TAF8: variants seen among roughly 807,000 people sequenced by gnomAD.
TAF8 encodes the protein transcription initiation factor TFIID subunit 8.
A neutral mutation model predicts 36.5 loss-of-function variants in TAF8; 47 were observed. The observed-to-expected ratio is 1.29, with a 90% CI of 1.02 to 1.64. The LOEUF is 1.64. Ranked by LOEUF, TAF8 falls within the 40% of genes most tolerant of loss-of-function variation. The pLI is 0.00. For missense variants in TAF8, 420 were observed against 407.6 expected (o/e 1.03, Z -0.26); for synonymous variants, 175 against 159.5 (o/e 1.10, Z -0.73).
intron 5 of TAF8, among the ~76,000 whole-genome samples, chr6:42,058,932 T>A (rs1157304745): frequency 6.6e-6 from 1 of 152,186 alleles, no homozygotes; most frequent in East Asian, 1.9e-4. Flanking sequence ...CATGGCATTC[T>A]TTTTTGTGTG....
chr6:42,086,596 AGCAGCTCCCCTGATCT>A (rs1459813548), downstream of TAF8: 15 of 951,780 alleles, frequency 1.6e-5, no homozygotes, highest in Non-Finnish European at 2.5e-5. Context: ...AATCATCACA[AGCAGCTCCCCTGATCT>A]GCGGCACCCC....
chr6:42,056,860 C>A (rs1765008025), intron 4 of TAF8, among the ~76,000 whole-genome samples: 2 of 152,208 alleles, frequency 1.3e-5, no homozygotes, highest in African/African-American at 4.8e-5. Flanking sequence ...CCTGCCTCGG[C>A]CTCTCAGAGT....
At chr6:42,059,836 G>T (rs182194913) in intron 5 of TAF8, among the ~76,000 whole-genome samples, 1 of 152,300 alleles carries the variant, frequency 6.6e-6, no homozygotes, top group East Asian at 1.9e-4. Flanking sequence ...TTTTGCAAAC[G>T]TGGTTTCAGT....
chr6:42,068,632 C>G, intron 7 of TAF8, 25 bp downstream of exon 7: 1 of 1,608,936 alleles, frequency 6.2e-7, no homozygotes, highest in Non-Finnish European at 8.5e-7. Flanking sequence ...CTGCCTACCT[C>G]AGAGTATCCC....
rs1394803653 is a variant in TAF8, at chr6:42,066,429, CTT to C, written c.610_611del (p.Phe204GlnfsTer3). 6.2e-7 allele frequency: 1 copy of C among 1,614,212 alleles called. No homozygotes were observed. Among genetic ancestry groups the C allele is most frequent in the Non-Finnish European group, 8.5e-7 (1 of 1,180,026 alleles). On this transcript the variant is annotated frameshift_variant, in exon 6 of 9. Coordinates refer to ENST00000372977, the MANE Select transcript of TAF8 (RefSeq NM_138572.3). LOFTEE classifies it high-confidence loss of function. ...FMAKTGETQSLFKDDVSTFPL... is the reference protein window; with the variant it reads ...FMAKTGETQSXFKDDVSTFPL... The stretch of plus-strand genomic sequence containing the variant: ...GGCCAAGACAGGCGAGACTCAGAGT[CTT>C]TTCAAAGATGACGTCAGCACATTTC...
At chr6:42,055,430 A>T in intron 2 of TAF8, 101 bp from the exon 3 acceptor site, 1 of 774,804 alleles carries the variant, frequency 1.3e-6, no homozygotes, top group Non-Finnish European at 2.3e-6. Flanking sequence ...CAGTTCATTT[A>T]TGTATATACC....
chr6:42,083,554 T>C (rs1315322259), downstream of TAF8, among the ~76,000 whole-genome samples: 1 of 152,184 alleles, frequency 6.6e-6, no homozygotes, highest in African/African-American at 2.4e-5. Context: ...CTGTGTCTTA[T>C]TGCGGTTTTA....
rs1765971138 is a variant in TAF8 at position 42,083,252 on chromosome 6, A to G, written c.*5707A>G. The G allele has an allele frequency of 6.6e-6, 1 of 152,204 alleles. No individual in the cohort carries two copies. Among genetic ancestry groups the G allele is most frequent in the Non-Finnish European group, 1.5e-5 (1 of 68,038 alleles). The allele number at this position is 152,204 out of a possible 1,614,324, so 9.4% of individuals were successfully genotyped here. On this transcript the variant is annotated 3_prime_UTR_variant, in exon 9 of 9. Transcript: ENST00000372977. ...TTTGGTGATGTTCCATGTCAGTAAT[A>G]AAGAGCTTCTCTGTTTCGTGGCTGC...
chr6:42,057,776 GAAAA>G (rs34302758), intron 5 of TAF8: 2 of 336,086 alleles, frequency 6.0e-6, no homozygotes, highest in Non-Finnish European at 1.1e-5. Context: ...AATAAATAAA[GAAAA>G]AAAAAAGAAT....
chr6:42,067,089 A>G (rs920846785), intron 6 of TAF8, among the ~76,000 whole-genome samples: 31 of 152,210 alleles, frequency 2.0e-4, no homozygotes, highest in Admixed American at 1.6e-3. Context: ...CCTTCATAGG[A>G]ACCCTTCAAT....
At position 42,079,800 on chromosome 6, in the gene TAF8, C is replaced by T. The variant is rs1176815380; in HGVS notation, c.*2255C>T. 26 of 964,410 alleles carry T rather than the reference C, an allele frequency of 2.7e-5. No homozygotes were observed. Among genetic ancestry groups the T allele is most frequent in the Non-Finnish European group, 2.7e-5 (22 of 811,248 alleles). The allele number at this position is 964,410 out of a possible 1,614,324, so 59.7% of individuals were successfully genotyped here. A position where few individuals can be genotyped will look rare whatever the true frequency, so the allele number is the denominator to read the frequency against. On this transcript the variant is annotated 3_prime_UTR_variant, in exon 9 of 9. Coordinates refer to ENST00000372977, the MANE Select transcript of TAF8 (RefSeq NM_138572.3). ...AACTCCTGGCCTCAAGTGATCCACC[C>T]GCCTTGGCCTTCCAAAGTGTTGAGA...
At chr6:42,083,899 C>A (rs1254488869), downstream of TAF8, among the ~76,000 whole-genome samples, 1 of 152,036 alleles carries the variant, frequency 6.6e-6, no homozygotes, top group Non-Finnish European at 1.5e-5. Flanking sequence ...AAAGATGGAC[C>A]TGCTGGGCAC....
At chr6:42,055,741 T>G (rs1764961567) in intron 3 of TAF8, 112 bp downstream of exon 3, 1 of 909,010 alleles carries the variant, frequency 1.1e-6, no homozygotes, top group African/African-American at 1.6e-5. Context: ...CTTGAATTGC[T>G]TTGAGCTTGA....
chr6:42,071,071 G>A (rs1040016735), intron 7 of TAF8, among the ~76,000 whole-genome samples: 3 of 152,120 alleles, frequency 2.0e-5, no homozygotes, highest in African/African-American at 4.8e-5. Context: ...AAGTACAATC[G>A]CAGAACCGCC....
At chr6:42,051,268 G>A (rs909146197) in intron 1 of TAF8, 89 bp from the exon 2 acceptor site, 21 of 1,374,664 alleles carry the variant, frequency 1.5e-5, no homozygotes, top group Admixed American at 2.3e-5. Flanking sequence ...AAATTATTTA[G>A]TAAAATAACT....
intron 7 of TAF8, among the ~76,000 whole-genome samples, chr6:42,071,703 C>A (rs1352977467): frequency 6.6e-6 from 1 of 151,656 alleles, no homozygotes; most frequent in South Asian, 2.1e-4. Flanking sequence ...TTAAATAAAG[C>A]AGAGGAAATT....
chr6:42,077,796 C>T lies in TAF8; in HGVS notation c.*251C>T. ...TTTGAGATGGAGTCTTACTCTATCACCCAGGCTGGAATGCAGTGGTGTGAT... is the reference window on the plus strand; with the variant it reads ...TTTGAGATGGAGTCTTACTCTATCATCCAGGCTGGAATGCAGTGGTGTGAT... On this transcript the variant is annotated 3_prime_UTR_variant, in exon 9 of 9. Transcript: ENST00000372977. The T allele has an allele frequency of 7.7e-7, 1 of 1,306,746 alleles. No homozygotes were observed. Among genetic ancestry groups the T allele is most frequent in the Non-Finnish European group, 9.9e-7 (1 of 1,011,716 alleles). 80.9% of individuals were successfully genotyped at this position (1,306,746 alleles called of 1,614,324 possible). A position where few individuals can be genotyped will look rare whatever the true frequency, so the allele number is the denominator to read the frequency against.
chr6:42,086,154 T>C (rs1766021666), downstream of TAF8, among the ~76,000 whole-genome samples: 1 of 152,198 alleles, frequency 6.6e-6, no homozygotes, highest in Non-Finnish European at 1.5e-5. Flanking sequence ...TAGTACTTTG[T>C]TGGAGCAGCC....
Position 42,080,387 on chromosome 6 carries a change from T to G in TAF8, c.*2842T>G. The stretch of plus-strand genomic sequence containing the variant: ...TTTTTTCTTTTCTTTTTTTTTTTTT[T>G]TTGAGACGGCATCTCACTCTTATCG... On this transcript the variant is annotated 3_prime_UTR_variant, in exon 9 of 9. Transcript: ENST00000372977. 2.0e-6 allele frequency: 2 copies of G among 984,450 alleles called. No homozygotes were observed. Among genetic ancestry groups the G allele is most frequent in the Non-Finnish European group, 2.4e-6 (2 of 827,806 alleles). 61.0% of individuals were successfully genotyped at this position (984,450 alleles called of 1,614,324 possible). A position where few individuals can be genotyped will look rare whatever the true frequency, so the allele number is the denominator to read the frequency against.
Sources: gnomAD v4.1 joint callset for allele counts (sites outside exome capture counted in the v4.1 genomes callset) on GRCh38, gnomAD v4.1.1 for gene constraint, MANE v1.5 for transcripts, NCBI Gene and HGNC (gene_info 2026-07-23, HGNC 2026-07-21) for gene names.